The following TP63 variants were observed in gnomAD, a reference collection of about 807,000 sequenced individuals.
TP63 encodes the protein tumor protein 63.
In TP63, 17 loss-of-function variants were observed where a neutral mutation model predicts 82.8. The observed-to-expected ratio is 0.21, with a 90% confidence interval of 0.14 to 0.31. The LOEUF is 0.31. Ranked by LOEUF, TP63 falls within the 10% of genes least tolerant of loss-of-function variation. The pLI is 1.00. For missense variants in TP63, 648 were observed against 895.3 expected, an observed-to-expected ratio of 0.72 and a Z score of 3.52; for synonymous variants, 330 against 321.7, an observed-to-expected ratio of 1.03 and a Z score of -0.28.
intron 1 of TP63, among the ~76,000 whole-genome samples, chr3:189,639,093 A>G (rs1711577464): frequency 6.6e-6 from 1 of 152,186 alleles, no homozygotes; most frequent in East Asian, 1.9e-4. Flanking sequence ...CTGATTAGCT[A>G]TTTTGAAGCT....
At chr3:189,827,128 T>C (rs945421553) in intron 4 of TP63, among the ~76,000 whole-genome samples, 1 of 152,308 alleles carries the variant, frequency 6.6e-6, no homozygotes, top group Admixed American at 6.5e-5. Context: ...CTAGACACTA[T>C]TGGGTAATTA....
chr3:189,617,495 G>C, the TP63 span, among the ~76,000 whole-genome samples: 1 of 152,128 alleles, frequency 6.6e-6, no homozygotes, highest in Non-Finnish European at 1.5e-5. Context: ...TCCCATAATA[G>C]TTACAATCAG....
At chr3:189,876,740 T>A (rs908564371) in intron 10 of TP63, among the ~76,000 whole-genome samples, 10 of 152,130 alleles carry the variant, frequency 6.6e-5, no homozygotes, top group African/African-American at 2.4e-4. Context: ...TTCAGCTGAG[T>A]TTTTTTAGCT....
chr3:189,685,301 CTCT>C (rs1251159092), intron 1 of TP63, among the ~76,000 whole-genome samples: 3 of 152,104 alleles, frequency 2.0e-5, no homozygotes, highest in African/African-American at 4.8e-5. Flanking sequence ...AGGTTTTTGT[CTCT>C]TCTTAGGTTG....
intron 1 of TP63, among the ~76,000 whole-genome samples, chr3:189,735,454 C>G (rs1389741613): frequency 1.3e-5 from 2 of 152,190 alleles, no homozygotes; most frequent in South Asian, 2.1e-4. Context: ...GCCAGATCCT[C>G]CAACTATACT....
chr3:189,768,522 G>T (rs1469325338), intron 3 of TP63, among the ~76,000 whole-genome samples: 1 of 151,996 alleles, frequency 6.6e-6, no homozygotes, highest in Non-Finnish European at 1.5e-5. Flanking sequence ...TACTCAAACT[G>T]CTCTAAAATC....
chr3:189,673,750 T>C (rs779571552), intron 1 of TP63, among the ~76,000 whole-genome samples: 3 of 152,112 alleles, frequency 2.0e-5, no homozygotes, highest in Non-Finnish European at 4.4e-5. Context: ...ATTCAATTAT[T>C]TGCAGCTGTT....
At chr3:189,864,178 A>C in intron 4 of TP63, 54 bp from the exon 5 acceptor site, 1 of 1,608,938 alleles carries the variant, frequency 6.2e-7, no homozygotes. Context: ...GAATGTAACA[A>C]TATCTCCTGT....
chr3:189,743,028 CTA>C (rs1491237185), intron 3 of TP63, among the ~76,000 whole-genome samples: 3 of 151,528 alleles, frequency 2.0e-5, no homozygotes, highest in African/African-American at 7.3e-5. Flanking sequence ...TATTAAAAGA[CTA>C]AAAAAATTGA....
At chr3:189,625,830 A>G in the TP63 span, among the ~76,000 whole-genome samples, 1 of 152,132 alleles carries the variant, frequency 6.6e-6, no homozygotes, top group Admixed American at 6.6e-5. Context: ...GGATGTCTGG[A>G]AAAGAAGCCC....
chr3:189,620,651 T>C, the TP63 span, among the ~76,000 whole-genome samples: 2 of 152,052 alleles, frequency 1.3e-5, no homozygotes, highest in Non-Finnish European at 2.9e-5. Flanking sequence ...GAGTCAAAAA[T>C]CACGCATCAA....
intron 3 of TP63, among the ~76,000 whole-genome samples, chr3:189,762,634 A>G (rs1294972153): frequency 6.6e-6 from 1 of 152,242 alleles, no homozygotes; most frequent in East Asian, 1.9e-4. Flanking sequence ...GGCTACATGT[A>G]TCTTTATAAG....
At chr3:189,691,425 G>A (rs1483638982) in intron 1 of TP63, among the ~76,000 whole-genome samples, 1 of 151,724 alleles carries the variant, frequency 6.6e-6, no homozygotes, top group African/African-American at 2.4e-5. Flanking sequence ...TTCTCAACCT[G>A]GGCAATTGAC....
Position 189,869,371 on chromosome 3 carries a change from C to A in TP63, c.1177C>A (p.Arg393=), listed in dbSNP as rs941268998. The change falls in exon 9 of 14, where the codon CGA becomes AGA. Residue 393 remains arginine (R), a synonymous_variant. Coordinates refer to ENST00000264731, the MANE Select transcript of TP63 (RefSeq NM_003722.5). ...HGIQMTSIKK[R]RSPDDELLYL... Reference sequence around the variant, plus strand: ...TATCCAGATGACATCCATCAAGAAACGAAGATCCCCAGATGATGAACTGTT... The same window carrying A: ...TATCCAGATGACATCCATCAAGAAAAGAAGATCCCCAGATGATGAACTGTT... The A allele has an allele frequency of 6.2e-7, 1 of 1,614,060 alleles. No homozygotes were observed. Among genetic ancestry groups the A allele is most frequent in the Non-Finnish European group, 8.5e-7 (1 of 1,179,968 alleles).
chr3:189,839,040 T>TAAAAAAAAAA (rs5855274), intron 4 of TP63, among the ~76,000 whole-genome samples: 25 of 88,580 alleles, frequency 2.8e-4, no homozygotes, highest in Non-Finnish European at 4.0e-4. Flanking sequence ...TATCCTAAGC[T>TAAAAAAAAAA]AAAAAAAAAA....
intron 1 of TP63, among the ~76,000 whole-genome samples, chr3:189,712,888 A>G (rs1437117528): frequency 6.6e-6 from 1 of 152,164 alleles, no homozygotes; most frequent in Non-Finnish European, 1.5e-5. Context: ...GAACCATGCC[A>G]TTGAGTTTGG....
chr3:189,781,941 G>A (rs1275521117), intron 3 of TP63, among the ~76,000 whole-genome samples: 3 of 152,088 alleles, frequency 2.0e-5, no homozygotes, highest in Non-Finnish European at 1.5e-5. Context: ...AGGAGAGTAG[G>A]ATCACAATTA....
At chr3:189,844,712 C>T (rs2108750616) in intron 4 of TP63, among the ~76,000 whole-genome samples, 1 of 152,310 alleles carries the variant, frequency 6.6e-6, no homozygotes. Flanking sequence ...CATATAACTT[C>T]ATGTGATAAT....
Position 189,867,315 on chromosome 3 carries a change from T to A in TP63, c.882+518T>A, listed in dbSNP as rs528717650. 1.4e-3 allele frequency among the ~76,000 whole-genome samples: 216 copies of A among 152,340 alleles called. 2 individuals are homozygous for A. The highest frequency in any genetic ancestry group is 2.1e-3 in the Non-Finnish European group (143 of 68,026). On this transcript the variant is annotated intron_variant, in intron 6 of 13. Coordinates refer to ENST00000264731, the MANE Select transcript of TP63 (RefSeq NM_003722.5). ...TTGCTGTGTGGACCTTCGGCAACTC[T>A]CTCTCTCTAGGCTTCAGTTGCCTTA...
Sources: allele counts gnomAD v4.1 joint callset (sites outside exome capture counted in the v4.1 genomes callset), GRCh38; gene constraint gnomAD v4.1.1; transcripts MANE v1.5; gene names NCBI Gene and HGNC (gene_info 2026-07-23, HGNC 2026-07-21).